The following TRPM3 variants were observed in gnomAD, a reference collection of about 807,000 sequenced individuals.
TRPM3 encodes transient receptor potential cation channel subfamily M member 3.
In TRPM3, 77 loss-of-function variants were observed where a neutral mutation model predicts 181.2. That is an observed-to-expected ratio of 0.42 (90% confidence interval 0.35 to 0.51). The LOEUF (loss-of-function observed/expected upper bound fraction) is 0.51. Among genes scored for constraint, TRPM3 ranks in the 20% least tolerant of loss-of-function variants. The pLI, the probability that TRPM3 is intolerant of heterozygous loss-of-function variation, is 0.01. For missense variants in TRPM3, 1,759 were observed against 2,196.7 expected, an observed-to-expected ratio of 0.80 and a Z score of 3.98; for synonymous variants, 745 against 796.4, an observed-to-expected ratio of 0.94 and a Z score of 1.09.
chr9:71,163,453 G>A (rs897051602), intron 1 of TRPM3, among the ~76,000 whole-genome samples: 1 of 152,132 alleles, frequency 6.6e-6, no homozygotes, highest in Non-Finnish European at 1.5e-5. Context: ...TCATGCTTTG[G>A]TATACTGAGT....
chr9:71,384,046 C>A (rs111587997), intron 1 of TRPM3, among the ~76,000 whole-genome samples: 5 of 152,158 alleles, frequency 3.3e-5, no homozygotes, highest in African/African-American at 9.7e-5. Flanking sequence ...CATTCCATGA[C>A]GCTGTAATAA....
At chr9:71,024,310 C>G (rs73647933) in intron 1 of TRPM3, among the ~76,000 whole-genome samples, 1,571 of 152,214 alleles carry the variant, frequency 0.01, 31 homozygotes, top group African/African-American at 0.036. Context: ...GTATCAAGAA[C>G]TGAGTCACTA....
intron 1 of TRPM3, among the ~76,000 whole-genome samples, chr9:71,336,902 G>A (rs1293904562): frequency 6.6e-6 from 1 of 152,178 alleles, no homozygotes; most frequent in Non-Finnish European, 1.5e-5. Flanking sequence ...CTAGCCATAT[G>A]CAGAAAACTG....
intron 1 of TRPM3, among the ~76,000 whole-genome samples, chr9:70,883,909 G>A (rs553393915): frequency 1.3e-5 from 2 of 152,214 alleles, no homozygotes; most frequent in Non-Finnish European, 2.9e-5. Flanking sequence ...TTGGAAAGAG[G>A]CCGAATTTGC....
rs539301791 is a variant in TRPM3, at chr9:71,139,485, A to C, written c.184-274974T>G. Among the ~76,000 whole-genome samples the C allele has an allele frequency of 2.6e-5, 4 of 152,362 alleles. No individual in the cohort carries two copies. The East Asian group carries it at 7.7e-4, about 29-fold the overall frequency. ...ACTTCTCATGTTTGGTAATTTTCAC[A>C]AAAACAGAGTCGGGGTTGGATAAGA... On this transcript the variant is annotated intron_variant, in intron 1 of 24. Coordinates refer to the TRPM3 transcript ENST00000357533.
Position 71,058,499 on chromosome 9 carries a change from C to T in TRPM3, c.177+62679G>A, listed in dbSNP as rs574695502. Reference sequence around the variant, plus strand: ...GATTTCAGAAATGGAGAGTAGGACACAGCTGGTCTACCTGATGTATCTTGT... The same window carrying T: ...GATTTCAGAAATGGAGAGTAGGACATAGCTGGTCTACCTGATGTATCTTGT... On this transcript the variant is annotated intron_variant, in intron 1 of 25. Transcript: ENST00000677713. Among the ~76,000 whole-genome samples, 6 of 152,132 alleles carry T rather than the reference C, an allele frequency of 3.9e-5. No individual in the cohort carries two copies. In the South Asian group the frequency reaches 1.2e-3, roughly 32 times the overall value.
chr9:70,695,247 C>T (rs1426706581), intron 8 of TRPM3, among the ~76,000 whole-genome samples: 1 of 152,172 alleles, frequency 6.6e-6, no homozygotes, highest in Admixed American at 6.5e-5. Flanking sequence ...AACCTTAGGC[C>T]ATCTACTGCA....
intron 24 of TRPM3, among the ~76,000 whole-genome samples, chr9:70,552,173 C>T (rs1013312528): frequency 1.3e-5 from 2 of 152,002 alleles, no homozygotes. Flanking sequence ...AGCGTGGTAC[C>T]CAAAGGGTAT....
At chr9:71,051,080 G>A (rs992039483) in intron 1 of TRPM3, among the ~76,000 whole-genome samples, 48 of 152,130 alleles carry the variant, frequency 3.2e-4, no homozygotes, top group African/African-American at 1.1e-3. Flanking sequence ...GGGAAAAGAG[G>A]GAGATGACTG....
At chr9:71,254,047 G>C (rs1160132824) in intron 1 of TRPM3, among the ~76,000 whole-genome samples, 1 of 152,126 alleles carries the variant, frequency 6.6e-6, no homozygotes, top group East Asian at 1.9e-4. Flanking sequence ...AGCCTCCTGA[G>C]TAGCTGGGAC....
chr9:70,558,260 G>A (rs1402991979), intron 22 of TRPM3, among the ~76,000 whole-genome samples: 1 of 152,150 alleles, frequency 6.6e-6, no homozygotes, highest in Non-Finnish European at 1.5e-5. Context: ...GCCTTCTATA[G>A]TCATAAAAAC....
At chr9:70,961,718 G>A (rs1348385623) in intron 1 of TRPM3, among the ~76,000 whole-genome samples, 1 of 151,908 alleles carries the variant, frequency 6.6e-6, no homozygotes. Context: ...CTGGGGATGG[G>A]GCTTATGTCA....
intron 1 of TRPM3, among the ~76,000 whole-genome samples, chr9:71,325,732 T>C (rs1461440821): frequency 6.6e-6 from 1 of 151,842 alleles, no homozygotes; most frequent in Non-Finnish European, 1.5e-5. Context: ...GACAATATTC[T>C]CCCTCTCATT....
intron 8 of TRPM3, among the ~76,000 whole-genome samples, chr9:70,688,772 T>A (rs1740767849): frequency 6.6e-6 from 1 of 152,114 alleles, no homozygotes; most frequent in East Asian, 1.9e-4. Context: ...TCAGTAGACA[T>A]GTGCATTTAA....
rs1565023816 is a variant in TRPM3 at position 71,032,053 on chromosome 9, A to AT, written c.177+89124dup. 4.9e-3 allele frequency among the ~76,000 whole-genome samples: 22 copies of AT among 4,506 alleles called. 2 individuals are homozygous for AT. Among genetic ancestry groups the AT allele is most frequent in the Admixed American group, 6.3e-3 (1 of 158 alleles). The allele number at this position is 4,506 out of a possible 152,430, so 3.0% of individuals were successfully genotyped here. A position where few individuals can be genotyped will look rare whatever the true frequency, so the allele number is the denominator to read the frequency against. On this transcript the variant is annotated intron_variant, in intron 1 of 25. Coordinates refer to ENST00000677713, the MANE Select transcript of TRPM3 (RefSeq NM_001366145.2). ...ATATAAATATATATATATATATTATATATATTATATATATTATATTATATT... is the reference window on the plus strand; with the variant it reads ...ATATAAATATATATATATATATTATATTATATTATATATATTATATTATATT...
intron 1 of TRPM3, among the ~76,000 whole-genome samples, chr9:71,163,656 A>G (rs1240048606): frequency 6.6e-6 from 1 of 152,148 alleles, no homozygotes; most frequent in East Asian, 1.9e-4. Flanking sequence ...TGGGTACATT[A>G]GTGGAAGCCA....
chr9:71,045,197 G>A (rs537212991), intron 1 of TRPM3, among the ~76,000 whole-genome samples: 1 of 151,390 alleles, frequency 6.6e-6, no homozygotes, highest in Non-Finnish European at 1.5e-5. Context: ...CCTGGGTCCA[G>A]GTGATTCTCC....
intron 1 of TRPM3, among the ~76,000 whole-genome samples, chr9:71,189,419 C>T (rs1474054548): frequency 1.3e-5 from 2 of 151,886 alleles, no homozygotes; most frequent in Non-Finnish European, 2.9e-5. Flanking sequence ...TGGGTACTAA[C>T]ACACGTGCAT....
At chr9:70,663,508 A>G (rs1354385008) in intron 9 of TRPM3, among the ~76,000 whole-genome samples, 2 of 152,156 alleles carry the variant, frequency 1.3e-5, no homozygotes, top group Non-Finnish European at 2.9e-5. Context: ...CTTTGACATT[A>G]TATTGTTATT....
Sources: gnomAD v4.1 joint callset for allele counts (sites outside exome capture counted in the v4.1 genomes callset) on GRCh38, gnomAD v4.1.1 for gene constraint, MANE v1.5 for transcripts, NCBI Gene and HGNC (gene_info 2026-07-23, HGNC 2026-07-21) for gene names.